MRPL48: variants seen among roughly 807,000 people sequenced by gnomAD.
MRPL48 encodes the protein large ribosomal subunit protein mL48.
MRPL48 carries 16 observed loss-of-function variants against 32.9 expected under a neutral mutation model. The ratio of observed to expected loss-of-function variants is 0.49; its 90% CI spans 0.33 to 0.74. The LOEUF (loss-of-function observed/expected upper bound fraction) is 0.74. MRPL48 is among the 30% of genes least tolerant of loss of function. MRPL48 has a pLI of 0.02. For synonymous variants in MRPL48, 94 were observed against 89.2 expected (o/e 1.05, Z -0.31); for missense variants, 206 against 245.3 (o/e 0.84, Z 1.07).
chr11:73,828,391 GT>G (rs1410240383), intron 4 of MRPL48, among the ~76,000 whole-genome samples: 1 of 151,992 alleles, frequency 6.6e-6, no homozygotes, highest in Admixed American at 6.6e-5. Context: ...CACCCAGCTA[GT>G]TTTTGTATTT....
At chr11:73,813,878 A>G (rs1285496335) in intron 3 of MRPL48, among the ~76,000 whole-genome samples, 1 of 151,786 alleles carries the variant, frequency 6.6e-6, no homozygotes, top group Non-Finnish European at 1.5e-5. Flanking sequence ...CGTCTCTACT[A>G]AAAATACAAA....
chr11:73,796,537 G>A (rs746542588), intron 1 of MRPL48, among the ~76,000 whole-genome samples: 36 of 152,372 alleles, frequency 2.4e-4, no homozygotes, highest in Non-Finnish European at 3.8e-4. Context: ...TGGCCTGCCC[G>A]TGCCCCTTGG....
At chr11:73,830,100 T>G (rs1433299735) in intron 4 of MRPL48, among the ~76,000 whole-genome samples, 2 of 152,132 alleles carry the variant, frequency 1.3e-5, no homozygotes, top group Non-Finnish European at 2.9e-5. Context: ...TATTTTAGAT[T>G]ATGAGGTCCC....
chr11:73,797,820 T>C (rs1947285797), intron 1 of MRPL48, among the ~76,000 whole-genome samples: 1 of 152,172 alleles, frequency 6.6e-6, no homozygotes, highest in South Asian at 2.1e-4. Context: ...CGGGCAAAGA[T>C]GCCACCAGCC....
chr11:73,808,426 G>A lies in MRPL48; in HGVS notation c.112+76G>A, dbSNP rs375828911. On this transcript the variant is annotated intron_variant, in intron 3 of 7. Coordinates refer to ENST00000310614, the MANE Select transcript of MRPL48 (RefSeq NM_016055.6). The stretch of plus-strand genomic sequence containing the variant: ...CACTCTATAATAATTTTGCCTAGAA[G>A]GAAGCCTACCATATCTTTGAGAACA... 1,814 of 1,433,906 alleles carry A rather than the reference G, an allele frequency of 1.3e-3. 2 individuals are homozygous for A. The highest frequency in any genetic ancestry group is 1.6e-3 in the Non-Finnish European group (1,695 of 1,040,162). The allele number at this position is 1,433,906 out of a possible 1,614,324, so 88.8% of individuals were successfully genotyped here. A position where few individuals can be genotyped will look rare whatever the true frequency, so the allele number is the denominator to read the frequency against.
chr11:73,837,742 C>T (rs1217377646), intron 4 of MRPL48, among the ~76,000 whole-genome samples: 3 of 152,200 alleles, frequency 2.0e-5, no homozygotes, highest in East Asian at 1.9e-4. Flanking sequence ...CTCCCTACTA[C>T]GTTTCTCCTA....
chr11:73,798,182 A>G (rs1330296602), intron 1 of MRPL48, among the ~76,000 whole-genome samples: 1 of 151,910 alleles, frequency 6.6e-6, no homozygotes, highest in Non-Finnish European at 1.5e-5. Flanking sequence ...GGTTCAAGTG[A>G]TTCTCCTGCC....
At chr11:73,850,535 A>G (rs141411546) in intron 5 of MRPL48, 89 of 387,140 alleles carry the variant, frequency 2.3e-4, no homozygotes, top group African/African-American at 1.9e-3. Flanking sequence ...GTCTTTTACT[A>G]TTTCTTCAAC....
At chr11:73,790,574 CG>C (rs1565396895) in intron 1 of MRPL48, among the ~76,000 whole-genome samples, 1 of 151,286 alleles carries the variant, frequency 6.6e-6, no homozygotes, top group African/African-American at 2.4e-5. Context: ...TTAGTAGAGA[CG>C]GGGTTTCACC....
At chr11:73,842,439 C>G (rs1948203648) in intron 4 of MRPL48, 1 of 152,082 alleles carries the variant, frequency 6.6e-6, no homozygotes, top group Admixed American at 6.6e-5. Flanking sequence ...TCTTAAAGAC[C>G]TTTCCAGTAT....
intron 4 of MRPL48, among the ~76,000 whole-genome samples, chr11:73,831,888 C>T (rs1239971852): frequency 1.6e-5 from 2 of 127,878 alleles, no homozygotes; most frequent in Non-Finnish European, 3.1e-5. Context: ...TGCAATGAGC[C>T]GAGATCATGC....
chr11:73,815,020 A>AAATG, intron 3 of MRPL48, among the ~76,000 whole-genome samples: 1 of 151,966 alleles, frequency 6.6e-6, no homozygotes, highest in Admixed American at 6.6e-5. Flanking sequence ...ATAAATAAAT[A>AAATG]AAACAAAAAA....
At chr11:73,797,202 G>T (rs1223593384) in intron 1 of MRPL48, among the ~76,000 whole-genome samples, 1 of 152,212 alleles carries the variant, frequency 6.6e-6, no homozygotes. Context: ...CCTGCAGAGA[G>T]GAGCTGCCCA....
In MRPL48 at chr11:73,844,968, C is replaced by T. The variant is rs183582089; in HGVS notation, c.363C>T (p.Val121=). The T allele has an allele frequency of 1.2e-4, 187 of 1,606,034 alleles. No individual in the cohort carries two copies. Among genetic ancestry groups the T allele is most frequent in the Non-Finnish European group, 1.5e-4 (174 of 1,174,760 alleles). ...TCTGCAACTCTCTCTCCATTAAAGT[C>T]GAGGAAAGGTATGAAGGATGCTTTT... The part of the protein sequence containing the change: ...HNLCNSLSIK[V]EESYAMPTKT... The change falls in exon 5 of 8, where the codon GTC becomes GTT. Residue 121 remains valine, a synonymous_variant. Transcript: ENST00000310614.
intron 2 of MRPL48, 140 bp downstream of exon 2, chr11:73,805,219 A>G (rs941126809): frequency 1.9e-5 from 12 of 629,778 alleles, no homozygotes; most frequent in African/African-American, 1.5e-4. Context: ...CTCCTTCCCC[A>G]TTCTCAGTTA....
At chr11:73,846,712 C>A (rs775575706) in intron 5 of MRPL48, among the ~76,000 whole-genome samples, 1 of 150,584 alleles carries the variant, frequency 6.6e-6, no homozygotes, top group Non-Finnish European at 1.5e-5. Context: ...TCCCACCCAG[C>A]CTGGTATGCA....
chr11:73,799,005 AAAAG>A (rs1170231824), intron 1 of MRPL48, among the ~76,000 whole-genome samples: 6 of 151,502 alleles, frequency 4.0e-5, no homozygotes, highest in South Asian at 2.1e-4. Flanking sequence ...AAAAAAAAAA[AAAAG>A]AAAGAAAAGA....
chr11:73,817,600 A>G (rs1458905267), intron 3 of MRPL48, among the ~76,000 whole-genome samples: 1 of 152,140 alleles, frequency 6.6e-6, no homozygotes, highest in Non-Finnish European at 1.5e-5. Flanking sequence ...TTGGTTGAAC[A>G]TATTTTTGTA....
intron 4 of MRPL48, among the ~76,000 whole-genome samples, chr11:73,836,796 A>G (rs775045124): frequency 3.3e-5 from 5 of 152,208 alleles, no homozygotes; most frequent in Non-Finnish European, 7.3e-5. Context: ...CAATAACTTT[A>G]GCTGTTACAG....
Sources: allele counts gnomAD v4.1 joint callset (sites outside exome capture counted in the v4.1 genomes callset), GRCh38; gene constraint gnomAD v4.1.1; transcripts MANE v1.5; gene names NCBI Gene and HGNC (gene_info 2026-07-23, HGNC 2026-07-21).